The following MMP21 variants were observed in gnomAD, a reference collection of about 807,000 sequenced individuals.
MMP21 encodes matrix metallopeptidase 21.
In MMP21, 40 loss-of-function variants were observed where a neutral mutation model predicts 47.8. The observed-to-expected ratio is 0.84, with a 90% CI of 0.65 to 1.09. MMP21 has a LOEUF of 1.09. Among genes scored for constraint, MMP21 ranks in the 50% least tolerant of loss-of-function variants. MMP21 has a pLI of 0.00. For synonymous variants in MMP21, 341 were observed against 318.0 expected (o/e 1.07, Z -0.77); for missense variants, 747 against 775.3 (o/e 0.96, Z 0.43).
chr10:125,769,179 C>T lies in MMP21; in HGVS notation c.1237+1155G>A, dbSNP rs188374001. Among the ~76,000 whole-genome samples, 9 of 152,200 alleles carry T rather than the reference C, an allele frequency of 5.9e-5. No individual in the cohort carries two copies. In the East Asian group the frequency reaches 1.5e-3, roughly 26 times the overall value. On this transcript the variant is annotated intron_variant, in intron 5 of 6. Transcript: ENST00000368808. ...TGCAAAGGCAGCGTGCCTCGTGCACCGGGTCCAGGGTACTGGATGAGACCG... is the reference window on the plus strand; with the variant it reads ...TGCAAAGGCAGCGTGCCTCGTGCACTGGGTCCAGGGTACTGGATGAGACCG...
Position 125,773,714 on chromosome 10 carries a change from C to A in MMP21, c.697+117G>T. 7.6e-7 allele frequency: 1 copy of A among 1,318,702 alleles called. No homozygotes were observed. Among genetic ancestry groups the A allele is most frequent in the Non-Finnish European group, 9.8e-7 (1 of 1,019,460 alleles). The allele number at this position is 1,318,702 out of a possible 1,614,324, so 81.7% of individuals were successfully genotyped here. A position where few individuals can be genotyped will look rare whatever the true frequency, so the allele number is the denominator to read the frequency against. ...CTGCCTGCCCCGCTGACAGGTGCCC[C>A]CGGGACAGGCCGGGAGGGCTTAGCC... On this transcript the variant is annotated intron_variant, in intron 2 of 6. Coordinates refer to ENST00000368808, the MANE Select transcript of MMP21 (RefSeq NM_147191.1). This position sits in a 1 kb window ranked among gnomAD's most constrained non-coding sequence, Gnocchi z 4.8.
chr10:125,774,161 G>C lies in MMP21; in HGVS notation c.367C>G (p.Arg123Gly). ...NRPRCGVPDM[R>G]PPPPSAPPSP... ...GGCGGGGCGGAGGGGGGCGGTGGGCGCATGTCCGGGACCCCGCAGCGCGGC... is the reference window on the plus strand; with the variant it reads ...GGCGGGGCGGAGGGGGGCGGTGGGCCCATGTCCGGGACCCCGCAGCGCGGC... Residue 123 changes from arginine (R) to glycine (G), a missense_variant, in exon 2 of 7, where the codon CGC (arginine) becomes GGC (glycine). Coordinates refer to ENST00000368808, the MANE Select transcript of MMP21 (RefSeq NM_147191.1). 2 of 1,274,384 alleles carry C rather than the reference G, an allele frequency of 1.6e-6. No individual in the cohort carries two copies. The highest frequency in any genetic ancestry group is 2.0e-6 in the Non-Finnish European group (2 of 1,014,294). The allele number at this position is 1,274,384 out of a possible 1,614,324, so 78.9% of individuals were successfully genotyped here.
rs534480945 is a variant in MMP21 at position 125,772,463 on chromosome 10, G to C, written c.838-104C>G. On this transcript the variant is annotated intron_variant, in intron 3 of 6. Coordinates refer to ENST00000368808, the MANE Select transcript of MMP21 (RefSeq NM_147191.1). The surrounding 1 kb of genome is among the most constrained non-coding windows in gnomAD (Gnocchi z 5.6). The stretch of plus-strand genomic sequence containing the variant: ...TCGAGAGGAGCGTTGCTTGTGAAGA[G>C]GGGAGCACCGGTGGAACTGGGGAGC... 1.3e-6 allele frequency: 2 copies of C among 1,569,398 alleles called. No individual in the cohort carries two copies. Among genetic ancestry groups the C allele is most frequent in the African/African-American group, 2.7e-5 (2 of 74,282 alleles).
Position 125,772,514 on chromosome 10 carries a change from G to T in MMP21, c.837+97C>A. The T allele has an allele frequency of 6.3e-7, 1 of 1,587,956 alleles. No homozygotes were observed. Among genetic ancestry groups the T allele is most frequent in the African/African-American group, 1.3e-5 (1 of 74,566 alleles). On this transcript the variant is annotated intron_variant, in intron 3 of 6. Transcript: ENST00000368808. This position sits in a 1 kb window ranked among gnomAD's most constrained non-coding sequence, Gnocchi z 5.6. ...CATTCCACGGATTCACCTCCTCAGAGGTTGCGGACACTACATGAGAAAAGC... is the reference window on the plus strand; with the variant it reads ...CATTCCACGGATTCACCTCCTCAGATGTTGCGGACACTACATGAGAAAAGC...
At chr10:125,768,726 A>G (rs190547514) in intron 5 of MMP21, among the ~76,000 whole-genome samples, 2 of 152,376 alleles carry the variant, frequency 1.3e-5, no homozygotes, top group East Asian at 3.9e-4. Flanking sequence ...ATACAGCTGT[A>G]TTGTAGCAGT....
Position 125,766,808 on chromosome 10 carries a change from T to C in MMP21, c.1564A>G (p.Lys522Glu), listed in dbSNP as rs1850391198. The change falls in exon 7 of 7, where the codon AAA becomes GAA. Residue 522 changes from lysine to glutamate, a missense_variant. By Grantham distance (56) the Lys-to-Glu change is moderately conservative. Transcript: ENST00000368808. ...SYAYNSIFFF[K>E]GNAYWKVVND... ...ACTACCTTCCAGTATGCATTGCCTT[T>C]GAAAAAGAAAATGGAGTTGTATGCA... The C allele has an allele frequency of 6.2e-7, 1 of 1,613,876 alleles. No homozygotes were observed. The highest frequency in any genetic ancestry group is 1.3e-5 in the African/African-American group (1 of 74,934).
chr10:125,775,556 C>G, intron 1 of MMP21, 104 bp downstream of exon 1: 1 of 1,420,048 alleles, frequency 7.0e-7, no homozygotes, highest in Non-Finnish European at 9.3e-7. Flanking sequence ...TTCTCTGCCT[C>G]TGCACAGCCG....
chr10:125,772,630 G>A lies in MMP21; in HGVS notation c.818C>T (p.Thr273Met), dbSNP rs746669147. The change falls in exon 3 of 7, where the codon ACG becomes ATG. Residue 273 changes from threonine (T) to methionine (M), a missense_variant. By Grantham distance (81) the Thr-to-Met change is moderately conservative (BLOSUM62 -1). Transcript: ENST00000368808. The surrounding 1 kb of genome is among the most constrained non-coding windows in gnomAD (Gnocchi z 5.6). ...ACTGACCTTGAGAAGGCTGATGCCC[G>A]TGTCACTGGTGGGAGGTGTGAAGTG... ...DEHFTPPTSD[T>M]GISLLKVAVH... is the part of the protein sequence containing the mutation. The A allele has an allele frequency of 4.0e-5, 64 of 1,614,120 alleles. 1 individual carries two copies. The highest frequency in any genetic ancestry group is 2.2e-4 in the East Asian group (10 of 44,904).
intron 5 of MMP21, 43 bp from the exon 6 acceptor site, chr10:125,767,747 A>C: frequency 6.3e-7 from 1 of 1,593,508 alleles, no homozygotes. Context: ...TATTACTATT[A>C]AATCACGTGA....
chr10:125,771,908 T>C (rs892327951), intron 4 of MMP21, among the ~76,000 whole-genome samples: 1 of 152,174 alleles, frequency 6.6e-6, no homozygotes, highest in Non-Finnish European at 1.5e-5. Context: ...TGTGCGTCTC[T>C]GGTGGGATGC....
At chr10:125,771,499 G>T (rs940327453) in intron 4 of MMP21, among the ~76,000 whole-genome samples, 2 of 152,022 alleles carry the variant, frequency 1.3e-5, no homozygotes, top group African/African-American at 4.8e-5. Context: ...CACCTCATGG[G>T]TTCAAGCAAT....
rs1487834487 is a variant in MMP21 at position 125,770,544 on chromosome 10, CTT to C, written c.1025_1026del (p.Lys342ArgfsTer13). On this transcript the variant is annotated frameshift_variant, in exon 5 of 7. Transcript: ENST00000368808. LOFTEE classifies it high-confidence loss of function. Reference protein sequence around the residue: ...SFDTAFDWIRKERNQYGEVMV... With the variant: ...SFDTAFDWIRXERNQYGEVMV... ...ATCACCTCTCCATATTGGTTTCTCT[CTT>C]TGCGAATCCAGTCAAACGCAGTATC... is the stretch of plus-strand genomic sequence containing the variant. 2 of 1,614,134 alleles carry C rather than the reference CTT, an allele frequency of 1.2e-6. No homozygotes were observed. Among genetic ancestry groups the C allele is most frequent in the Non-Finnish European group, 1.7e-6 (2 of 1,180,016 alleles).
chr10:125,767,077 T>G (rs924496555), intron 6 of MMP21, 116 bp from the exon 7 acceptor site: 2 of 842,758 alleles, frequency 2.4e-6, no homozygotes, highest in East Asian at 2.7e-5. Flanking sequence ...AGACTTGAAC[T>G]TCTTAATTTT....
rs146637402 is a variant in MMP21 at position 125,767,532 on chromosome 10, A to G, written c.1410T>C (p.Leu470=). 11 of 1,613,724 alleles carry G rather than the reference A, an allele frequency of 6.8e-6. No homozygotes were observed. The highest frequency in any genetic ancestry group is 1.3e-5 in the African/African-American group (1 of 74,890). Residue 470 remains leucine, a splice_region_variant and synonymous_variant, in exon 6 of 7, where the codon CTT becomes CTC. Transcript: ENST00000368808. ...QKLIYFFKES[L]VFAFDVNRNR... is the part of the protein sequence containing the mutation. Reference sequence around the variant, plus strand: ...CTAGGCTGAAGAGCCTTCTACTTACAAGGGACTCCTTGAAGAAGTAAATTA... The same window carrying G: ...CTAGGCTGAAGAGCCTTCTACTTACGAGGGACTCCTTGAAGAAGTAAATTA...
At chr10:125,768,265 G>GCTCTC (rs1253263269) in intron 5 of MMP21, among the ~76,000 whole-genome samples, 1 of 152,178 alleles carries the variant, frequency 6.6e-6, no homozygotes, top group Non-Finnish European at 1.5e-5. Flanking sequence ...GGACACTGGA[G>GCTCTC]TAGAGAGCTG....
At chr10:125,770,252 T>A (rs1850430647) in intron 5 of MMP21, 82 bp downstream of exon 5, 6 of 1,426,568 alleles carry the variant, frequency 4.2e-6, no homozygotes, top group Admixed American at 1.8e-5. Flanking sequence ...TTACAACAGA[T>A]TCCTTGGTAG....
At chr10:125,774,714 G>A (rs1476090328) in intron 1 of MMP21, among the ~76,000 whole-genome samples, 2 of 152,186 alleles carry the variant, frequency 1.3e-5, no homozygotes, top group Non-Finnish European at 1.5e-5. Context: ...CGGGGTGGGC[G>A]AGTGCCGGGA....
rs1194379643 is a variant in MMP21 at position 125,772,374 on chromosome 10, A to G, written c.838-15T>C. The G allele has an allele frequency of 6.2e-7, 1 of 1,613,860 alleles. No individual in the cohort carries two copies. Among genetic ancestry groups the G allele is most frequent in the Non-Finnish European group, 8.5e-7 (1 of 1,179,942 alleles). ...TGGACGGCCACCTAGAAGGGGACAC[A>G]CACCATGGGTGCTGGGTGAAGCCTG... On this transcript the variant is annotated splice_polypyrimidine_tract_variant and intron_variant, in intron 3 of 6. Transcript: ENST00000368808. This position sits in a 1 kb window ranked among gnomAD's most constrained non-coding sequence, Gnocchi z 5.6.
In MMP21 at chr10:125,774,064, C is replaced by T. The variant is rs758251833; in HGVS notation, c.464G>A (p.Arg155Gln). The stretch of plus-strand genomic sequence containing the variant: ...GGGGTAGCCCCGGGGCTGCCAACCC[C>T]GCCGGGACAAGGACAGCGGCGCCCG... The part of the protein sequence containing the change: ...SPRAPLSLSR[R>Q]GWQPRGYPDG... The change falls in exon 2 of 7, where the codon CGG becomes CAG. Residue 155 changes from arginine (R) to glutamine (Q), a missense_variant. Transcript: ENST00000368808. 1.4e-6 allele frequency: 2 copies of T among 1,445,410 alleles called. No individual in the cohort carries two copies. Among genetic ancestry groups the T allele is most frequent in the Admixed American group, 2.6e-5 (1 of 38,844 alleles). The allele number at this position is 1,445,410 out of a possible 1,614,324, so 89.5% of individuals were successfully genotyped here.
Sources: gnomAD v4.1 joint callset for allele counts (sites outside exome capture counted in the v4.1 genomes callset) on GRCh38, gnomAD v4.1.1 for gene constraint, Gnocchi (gnomAD v3.1) non-coding constraint, MANE v1.5 for transcripts, NCBI Gene and HGNC (gene_info 2026-07-23, HGNC 2026-07-21) for gene names.